PRIMPOL: variants seen among roughly 807,000 people sequenced by gnomAD.
The protein encoded by PRIMPOL is primase and DNA directed polymerase, also known as DNA-directed primase/polymerase protein.
PRIMPOL carries 54 observed loss-of-function variants against 63.6 expected under a neutral mutation model. The observed-to-expected ratio is 0.85, with a 90% CI of 0.68 to 1.07. PRIMPOL has a LOEUF of 1.07. Ranked by LOEUF, PRIMPOL falls within the 50% of genes least tolerant of loss-of-function variation. The probability of loss-of-function intolerance (pLI) is 0.00; values close to 1 mark genes in which losing one functional copy is unlikely to be tolerated. For synonymous variants in PRIMPOL, 197 were observed against 220.2 expected (o/e 0.89, Z 0.93); for missense variants, 610 against 648.3 (o/e 0.94, Z 0.64).
chr4:184,655,809 A>C (rs1335670619), intron 2 of PRIMPOL, among the ~76,000 whole-genome samples: 1 of 152,192 alleles, frequency 6.6e-6, no homozygotes, highest in Non-Finnish European at 1.5e-5. Context: ...ATTTCACTTC[A>C]AAAAAGCCCC....
rs1033571161 is a variant in PRIMPOL at position 184,694,589 on chromosome 4, C to T, written c.1493C>T (p.Pro498Leu). ...AATGAAACCCAGAATCCTCATAAAC[C>T]ATCACCTAGCAGGCTGTCAACAGGT... is the stretch of plus-strand genomic sequence containing the variant. ...RSNETQNPHKPSPSRLSTGAS... is the reference protein window; with the variant it reads ...RSNETQNPHKLSPSRLSTGAS... The change falls in exon 14 of 14, where the codon CCA becomes CTA. Residue 498 changes from proline (P) to leucine (L), a missense_variant. Coordinates refer to ENST00000314970, the MANE Select transcript of PRIMPOL (RefSeq NM_152683.4). 12 of 1,613,942 alleles carry T rather than the reference C, an allele frequency of 7.4e-6. No individual in the cohort carries two copies. In the African/African-American group the frequency reaches 9.3e-5, roughly 13 times the overall value.
At chr4:184,664,155 G>A (rs1214243228) in intron 5 of PRIMPOL, among the ~76,000 whole-genome samples, 2 of 152,042 alleles carry the variant, frequency 1.3e-5, no homozygotes, top group African/African-American at 4.8e-5. Context: ...AGTTAATCTT[G>A]GGAAATAGAA....
intron 5 of PRIMPOL, among the ~76,000 whole-genome samples, chr4:184,665,254 G>T: frequency 6.6e-6 from 1 of 152,024 alleles, no homozygotes; most frequent in East Asian, 1.9e-4. Flanking sequence ...TATTATTCCT[G>T]TTTAGCAGCT....
intron 11 of PRIMPOL, among the ~76,000 whole-genome samples, chr4:184,687,555 C>T (rs865960663): frequency 6.6e-6 from 1 of 152,162 alleles, no homozygotes; most frequent in Non-Finnish European, 1.5e-5. Context: ...ATCTTTTCCT[C>T]GCTTTTATGA....
Position 184,657,256 on chromosome 4 carries a change from C to T in PRIMPOL, c.116C>T (p.Pro39Leu), listed in dbSNP as rs759476461. The change falls in exon 3 of 14, where the codon CCC becomes CTC. Residue 39 changes from proline (P) to leucine (L), a missense_variant. By Grantham distance (98) the Pro-to-Leu change is moderately conservative (BLOSUM62 -3). Coordinates refer to ENST00000314970, the MANE Select transcript of PRIMPOL (RefSeq NM_152683.4). ...AGATTGTCCAAGCCAGAAGAACCAC[C>T]CTCCATCTGGAGACTATTTCATCGA... ...RPRLSKPEEP[P>L]SIWRLFHRQA... 1 of 1,613,824 alleles carries T rather than the reference C, an allele frequency of 6.2e-7. No homozygotes were observed. The highest frequency in any genetic ancestry group is 2.2e-5 in the East Asian group (1 of 44,838).
rs1046157294 is a variant in PRIMPOL at position 184,678,474 on chromosome 4, G to A, written c.1007+80G>A. 23 of 842,498 alleles carry A rather than the reference G, an allele frequency of 2.7e-5. No homozygotes were observed. In the African/African-American group the frequency reaches 3.9e-4, roughly 14 times the overall value. 52.2% of individuals were successfully genotyped at this position (842,498 alleles called of 1,614,324 possible). On this transcript the variant is annotated intron_variant, in intron 8 of 13. Coordinates refer to ENST00000314970, the MANE Select transcript of PRIMPOL (RefSeq NM_152683.4). ...GAATGGCATTGTATATTACTAAAAT[G>A]TAAATCATCTAAATTCATTCTACCT...
intron 8 of PRIMPOL, among the ~76,000 whole-genome samples, chr4:184,680,717 C>G (rs1404356267): frequency 6.6e-6 from 1 of 152,096 alleles, no homozygotes; most frequent in African/African-American, 2.4e-5. Flanking sequence ...GGAAGTGATA[C>G]TAACACCTAT....
At chr4:184,652,806 A>T (rs2150014815) in intron 2 of PRIMPOL, among the ~76,000 whole-genome samples, 1 of 151,798 alleles carries the variant, frequency 6.6e-6, no homozygotes, top group South Asian at 2.1e-4. Flanking sequence ...GTAGAGGGAG[A>T]ATTTGGAGTT....
intron 6 of PRIMPOL, among the ~76,000 whole-genome samples, chr4:184,670,165 G>A (rs1412770467): frequency 1.3e-5 from 2 of 152,178 alleles, no homozygotes; most frequent in African/African-American, 4.8e-5. Context: ...CAGTGTGTTA[G>A]CGTTGATGCT....
In PRIMPOL at chr4:184,657,293, T is replaced by C; in HGVS notation, c.153T>C (p.Ala51=). Residue 51 remains alanine, a synonymous_variant, in exon 3 of 14, where the codon GCT becomes GCC. Coordinates refer to ENST00000314970, the MANE Select transcript of PRIMPOL (RefSeq NM_152683.4). ...IWRLFHRQAQ[A]FNFVKSCKED... ...GACTATTTCATCGACAAGCTCAAGC[T>C]TTTAATTTTGTTAAAAGCTGTAAAG... The C allele has an allele frequency of 6.2e-7, 1 of 1,611,016 alleles. No homozygotes were observed. The highest frequency in any genetic ancestry group is 8.5e-7 in the Non-Finnish European group (1 of 1,179,032).
intron 11 of PRIMPOL, among the ~76,000 whole-genome samples, chr4:184,686,634 T>C (rs1757040034): frequency 6.6e-6 from 1 of 152,094 alleles, no homozygotes; most frequent in South Asian, 2.1e-4. Context: ...CCAGTAGTTA[T>C]CAGTTATGAG....
intron 9 of PRIMPOL, among the ~76,000 whole-genome samples, chr4:184,683,855 A>G (rs1347140969): frequency 2.0e-5 from 3 of 152,204 alleles, no homozygotes; most frequent in East Asian, 3.8e-4. Flanking sequence ...GTTATATACT[A>G]TGAAATCCTC....
At chr4:184,682,474 A>C in intron 9 of PRIMPOL, 138 bp downstream of exon 9, 1 of 536,212 alleles carries the variant, frequency 1.9e-6, no homozygotes, top group Non-Finnish European at 3.4e-6. Context: ...CAGCCTCCGG[A>C]GTAGTTGGGT....
In PRIMPOL at chr4:184,694,893, T is replaced by C. The variant is rs1760178859; in HGVS notation, c.*114T>C. 1 of 985,380 alleles carries C rather than the reference T, an allele frequency of 1.0e-6. No homozygotes were observed. The highest frequency in any genetic ancestry group is 1.5e-6 in the Non-Finnish European group (1 of 689,066). 61.0% of individuals were successfully genotyped at this position (985,380 alleles called of 1,614,324 possible). On this transcript the variant is annotated 3_prime_UTR_variant, in exon 14 of 14. Transcript: ENST00000314970. Reference sequence around the variant, plus strand: ...TAAACTAAGTTTTATTACTTTGCTTTCCAATTTTTGTTTTTTACTTCTGTA... The same window carrying C: ...TAAACTAAGTTTTATTACTTTGCTTCCCAATTTTTGTTTTTTACTTCTGTA...
At chr4:184,677,233 A>G (rs971808162) in intron 7 of PRIMPOL, among the ~76,000 whole-genome samples, 1 of 151,658 alleles carries the variant, frequency 6.6e-6, no homozygotes, top group Admixed American at 6.6e-5. Context: ...TAATGCTGGG[A>G]TTACAGGCAC....
chr4:184,655,405 C>T (rs950627247), intron 2 of PRIMPOL, among the ~76,000 whole-genome samples: 1 of 148,926 alleles, frequency 6.7e-6, no homozygotes, highest in African/African-American at 2.5e-5. Context: ...CTCACTGGCA[C>T]CTCCACTCCT....
chr4:184,661,985 A>G (rs1315708024), intron 5 of PRIMPOL, 82 bp downstream of exon 5: 2 of 1,311,790 alleles, frequency 1.5e-6, no homozygotes, highest in African/African-American at 1.5e-5. Context: ...CCTACATAAT[A>G]GTAGGTTCTG....
At position 184,689,075 on chromosome 4, in the gene PRIMPOL, C is replaced by T. The variant is rs142472432; in HGVS notation, c.1296-2424C>T. On this transcript the variant is annotated intron_variant, in intron 11 of 13. Coordinates refer to ENST00000314970, the MANE Select transcript of PRIMPOL (RefSeq NM_152683.4). ...TTTTCATTTTTTTGAGACAGGGTCT[C>T]GCCCTGTCGCCCAGGCTTGAGTGCA... Among the ~76,000 whole-genome samples the T allele has an allele frequency of 2.6e-3, 390 of 149,656 alleles. 1 individual carries two copies. The highest frequency in any genetic ancestry group is 9.4e-3 in the African/African-American group (372 of 39,394).
intron 6 of PRIMPOL, among the ~76,000 whole-genome samples, chr4:184,667,378 T>C (rs925586096): frequency 2.6e-5 from 4 of 152,086 alleles, no homozygotes; most frequent in African/African-American, 9.7e-5. Flanking sequence ...TGGCACGTTC[T>C]TGGCTCACTG....
Sources: gnomAD v4.1 joint callset for allele counts (sites outside exome capture counted in the v4.1 genomes callset) on GRCh38, gnomAD v4.1.1 for gene constraint, MANE v1.5 for transcripts, NCBI Gene and HGNC (gene_info 2026-07-23, HGNC 2026-07-21) for gene names.